The following FAM110B variants were observed in gnomAD, a reference collection of about 807,000 sequenced individuals.
FAM110B encodes the protein protein FAM110B.
Under a neutral mutation model 20.4 loss-of-function variants are expected in FAM110B, and 6 were observed. That is an observed-to-expected ratio of 0.29 (90% CI 0.16 to 0.58). The LOEUF is 0.58. Ranked by LOEUF, FAM110B falls within the 20% of genes least tolerant of loss-of-function variation. The probability of loss-of-function intolerance (pLI) is 0.90; values close to 1 mark genes in which losing one functional copy is unlikely to be tolerated. For missense variants in FAM110B, 434 were observed against 498.2 expected (o/e 0.87, Z 1.23); for synonymous variants, 226 against 214.1 (o/e 1.06, Z -0.49).
In FAM110B at chr8:58,146,674, G is replaced by A. The variant is rs368070087; in HGVS notation, c.444G>A (p.Arg148=). Residue 148 remains arginine, a synonymous_variant, in exon 4 of 4, where the codon CGG becomes CGA. Transcript: ENST00000519262. ...GCTCCCGCAACTGGCCGCCCCACCG[G>A]TCGGAAGCCACTGACCTGCACCGTC... ...KHSSRNWPPH[R]SEATDLHRHS... 82 of 1,612,590 alleles carry A rather than the reference G, an allele frequency of 5.1e-5. No individual in the cohort carries two copies. Among genetic ancestry groups the A allele is most frequent in the Non-Finnish European group, 6.4e-5 (75 of 1,179,576 alleles).
At chr8:58,067,581 CT>C (rs1805799835) in intron 2 of FAM110B, among the ~76,000 whole-genome samples, 1 of 152,230 alleles carries the variant, frequency 6.6e-6, no homozygotes, top group African/African-American at 2.4e-5. Context: ...TAGCCAGATC[CT>C]GCACCCCTCT....
Position 58,146,153 on chromosome 8 carries a change from T to C in FAM110B, c.-78T>C. 3 of 1,493,172 alleles carry C rather than the reference T, an allele frequency of 2.0e-6. No individual in the cohort carries two copies. Among genetic ancestry groups the C allele is most frequent in the South Asian group, 2.7e-5 (2 of 73,014 alleles). The allele number at this position is 1,493,172 out of a possible 1,614,324, so 92.5% of individuals were successfully genotyped here. ...TGCACCCGCCGCCCTTGGCGCTTCA[T>C]GTACATGTGTCTATTCAGGCCTTGC... On this transcript the variant is annotated 5_prime_UTR_variant, in exon 4 of 4. It removes an upstream start codon present in the reference 5' UTR. Transcript: ENST00000519262.
chr8:58,044,842 C>T (rs1284727939), intron 2 of FAM110B, among the ~76,000 whole-genome samples: 1 of 152,058 alleles, frequency 6.6e-6, no homozygotes, highest in Non-Finnish European at 1.5e-5. Flanking sequence ...GAGACAGGGG[C>T]AGAATACTTT....
At chr8:58,066,627 G>T (rs1436786161) in intron 2 of FAM110B, among the ~76,000 whole-genome samples, 3 of 152,172 alleles carry the variant, frequency 2.0e-5, no homozygotes, top group South Asian at 2.1e-4. Flanking sequence ...CCCGCCAGTT[G>T]TCTTGCCCCT....
intron 3 of FAM110B, among the ~76,000 whole-genome samples, chr8:58,107,946 T>C (rs2150616659): frequency 6.6e-6 from 1 of 152,340 alleles, no homozygotes; most frequent in African/African-American, 2.4e-5. Context: ...ACAGTAAATC[T>C]GAGAGTGGAA....
At chr8:58,108,708 C>T (rs1174296375) in intron 3 of FAM110B, among the ~76,000 whole-genome samples, 1 of 152,188 alleles carries the variant, frequency 6.6e-6, no homozygotes, top group African/African-American at 2.4e-5. Flanking sequence ...GCGGTGAATT[C>T]CCCATATTCA....
intron 1 of FAM110B, among the ~76,000 whole-genome samples, chr8:58,009,028 CAA>C (rs1158215116): frequency 1.3e-5 from 2 of 152,298 alleles, no homozygotes; most frequent in East Asian, 1.9e-4. Flanking sequence ...TGAATAAAGA[CAA>C]GAGAAGAAAC....
intron 3 of FAM110B, among the ~76,000 whole-genome samples, chr8:58,122,447 T>C (rs1807386263): frequency 1.3e-5 from 2 of 152,210 alleles, no homozygotes; most frequent in Non-Finnish European, 2.9e-5. Flanking sequence ...ATTACTTGCT[T>C]ACTGCATCTG....
At chr8:58,065,488 AG>A (rs1196606837) in intron 2 of FAM110B, among the ~76,000 whole-genome samples, 2 of 152,200 alleles carry the variant, frequency 1.3e-5, no homozygotes, top group African/African-American at 4.8e-5. Flanking sequence ...ATTTGAGAAC[AG>A]AAGGGAAGCT....
chr8:58,085,769 G>T (rs1190616193), intron 3 of FAM110B, among the ~76,000 whole-genome samples: 3 of 152,146 alleles, frequency 2.0e-5, no homozygotes, highest in African/African-American at 7.2e-5. Context: ...TATGAAGTGT[G>T]CTGCATATGA....
At chr8:58,137,306 TCC>T (rs1389002953) in intron 3 of FAM110B, among the ~76,000 whole-genome samples, 1 of 152,204 alleles carries the variant, frequency 6.6e-6, no homozygotes, top group Non-Finnish European at 1.5e-5. Context: ...ATGCCTGTAA[TCC>T]CAGCACTTTG....
chr8:58,025,583 C>G (rs75593129), intron 1 of FAM110B, among the ~76,000 whole-genome samples: 4,299 of 152,178 alleles, frequency 0.028, 201 homozygotes, highest in African/African-American at 0.097. Flanking sequence ...ATGGTCACAA[C>G]TGGATATGAG....
At chr8:58,069,823 TGCTGG>T (rs1805849250) in intron 2 of FAM110B, among the ~76,000 whole-genome samples, 6 of 152,356 alleles carry the variant, frequency 3.9e-5, no homozygotes, top group African/African-American at 1.4e-4. Flanking sequence ...TTATTCTTAA[TGCTGG>T]AATCTGATAA....
intron 3 of FAM110B, among the ~76,000 whole-genome samples, chr8:58,086,144 A>C (rs1223194528): frequency 6.6e-6 from 1 of 152,212 alleles, no homozygotes; most frequent in Non-Finnish European, 1.5e-5. Flanking sequence ...CCGAATCTGC[A>C]GCTCTTCTAA....
chr8:58,008,201 C>T (rs995946135), intron 1 of FAM110B, among the ~76,000 whole-genome samples: 2 of 147,976 alleles, frequency 1.4e-5, no homozygotes, highest in Admixed American at 1.4e-4. Context: ...GATCTCAGCT[C>T]GGCTTACTGC....
chr8:58,119,637 T>TGCA (rs1213677991), intron 3 of FAM110B, among the ~76,000 whole-genome samples: 2 of 152,180 alleles, frequency 1.3e-5, no homozygotes, highest in Non-Finnish European at 2.9e-5. Context: ...CAAGGGTACT[T>TGCA]ATAGTCTTGT....
intron 2 of FAM110B, among the ~76,000 whole-genome samples, chr8:58,035,205 A>G (rs1464680767): frequency 6.6e-6 from 1 of 152,218 alleles, no homozygotes; most frequent in Non-Finnish European, 1.5e-5. Context: ...ATTAGACAAT[A>G]TTTTTTATCA....
intron 1 of FAM110B, among the ~76,000 whole-genome samples, chr8:57,995,283 C>T (rs1275656283): frequency 1.3e-5 from 2 of 152,208 alleles, no homozygotes; most frequent in Non-Finnish European, 2.9e-5. Flanking sequence ...GGTCTCTAAT[C>T]TCGGTGTTAA....
At chr8:58,137,961 C>T (rs563154248) in intron 3 of FAM110B, among the ~76,000 whole-genome samples, 1 of 152,356 alleles carries the variant, frequency 6.6e-6, no homozygotes, top group South Asian at 2.1e-4. Context: ...AGCTCAGGGC[C>T]GCATTGGCTT....
Sources: allele counts gnomAD v4.1 joint callset (sites outside exome capture counted in the v4.1 genomes callset), GRCh38; gene constraint gnomAD v4.1.1; transcripts MANE v1.5; gene names NCBI Gene and HGNC (gene_info 2026-07-23, HGNC 2026-07-21).